Variants in ST8SIA5 observed in about 807,000 individuals in gnomAD.
ST8SIA5 encodes the protein ST8 alpha-N-acetyl-neuraminide alpha-2,8-sialyltransferase 5.
In ST8SIA5, 24 loss-of-function variants were observed where a neutral mutation model predicts 40.2. That is an observed-to-expected ratio of 0.60 (90% confidence interval 0.43 to 0.84). The LOEUF (loss-of-function observed/expected upper bound fraction) is 0.84. Ranked by LOEUF, ST8SIA5 falls within the 40% of genes least tolerant of loss-of-function variation. The pLI, the probability that ST8SIA5 is intolerant of heterozygous loss-of-function variation, is 0.00. For missense variants in ST8SIA5, 465 were observed against 498.5 expected (o/e 0.93, Z 0.64); for synonymous variants, 198 against 201.8 (o/e 0.98, Z 0.16).
At chr18:46,701,289 T>A (rs968348290) in intron 2 of ST8SIA5, among the ~76,000 whole-genome samples, 6 of 151,726 alleles carry the variant, frequency 4.0e-5, no homozygotes, top group Non-Finnish European at 7.4e-5. Context: ...TACAGGTGCG[T>A]GCCACCATGC....
intron 5 of ST8SIA5, 131 bp downstream of exon 5, chr18:46,686,043 C>A: frequency 1.2e-6 from 1 of 832,016 alleles, no homozygotes; most frequent in Non-Finnish European, 2.0e-6. Flanking sequence ...AGGGATATCC[C>A]AGACCTGAGG....
intron 1 of ST8SIA5, among the ~76,000 whole-genome samples, chr18:46,735,506 A>T (rs2042576424): frequency 6.6e-6 from 1 of 152,208 alleles, no homozygotes. Flanking sequence ...AATTGCTTAG[A>T]ACTAAATACA....
At chr18:46,694,950 G>A (rs2039542647) in intron 2 of ST8SIA5, among the ~76,000 whole-genome samples, 1 of 152,088 alleles carries the variant, frequency 6.6e-6, no homozygotes, top group Admixed American at 6.5e-5. Flanking sequence ...TCTGAGGTCA[G>A]GAGTTTGAGA....
At position 46,704,504 on chromosome 18, in the gene ST8SIA5, G is replaced by C. The variant is rs975485305; in HGVS notation, c.224+68C>G. On this transcript the variant is annotated intron_variant, in intron 2 of 6. Transcript: ENST00000315087. ...TGTTTCCTTCCACCCTTGCCCCCACGCACTCACCCCCAACCCCTGCCCCAC... is the reference window on the plus strand; with the variant it reads ...TGTTTCCTTCCACCCTTGCCCCCACCCACTCACCCCCAACCCCTGCCCCAC... 8 of 1,345,800 alleles carry C rather than the reference G, an allele frequency of 5.9e-6. No individual in the cohort carries two copies. The African/African-American group carries it at 1.0e-4, about 17-fold the overall frequency. 83.4% of individuals were successfully genotyped at this position (1,345,800 alleles called of 1,614,324 possible). A position where few individuals can be genotyped will look rare whatever the true frequency, so the allele number is the denominator to read the frequency against.
chr18:46,680,631 C>T (rs902963425), intron 6 of ST8SIA5, 121 bp from the exon 7 acceptor site: 3 of 966,496 alleles, frequency 3.1e-6, no homozygotes, highest in Non-Finnish European at 4.5e-6. Flanking sequence ...GGCCACCTGC[C>T]TCCTGACACC....
chr18:46,679,821 C>T lies in ST8SIA5; in HGVS notation c.*221G>A, dbSNP rs1201875783. The T allele has an allele frequency of 3.4e-6, 2 of 583,878 alleles. No homozygotes were observed. The highest frequency in any genetic ancestry group is 6.0e-6 in the Non-Finnish European group (2 of 330,744). 36.2% of individuals were successfully genotyped at this position (583,878 alleles called of 1,614,324 possible). ...GGCAGGTGGACGCACTGGGCGGATG[C>T]ACCGGTGGGGGCCAGGCCAGGAGGC... On this transcript the variant is annotated 3_prime_UTR_variant, in exon 7 of 7. Coordinates refer to ENST00000315087, the MANE Select transcript of ST8SIA5 (RefSeq NM_013305.6).
At chr18:46,689,773 GT>G (rs1484327589) in intron 3 of ST8SIA5, among the ~76,000 whole-genome samples, 1 of 148,744 alleles carries the variant, frequency 6.7e-6, no homozygotes, top group Non-Finnish European at 1.5e-5. Flanking sequence ...TAGAGTCAAG[GT>G]TTCTCCATGT....
At chr18:46,747,625 A>G (rs1871224906) in intron 1 of ST8SIA5, among the ~76,000 whole-genome samples, 1 of 152,318 alleles carries the variant, frequency 6.6e-6, no homozygotes. Context: ...TGTTGGTGGG[A>G]GTGTAAATTA....
chr18:46,692,199 G>T lies in ST8SIA5; in HGVS notation c.281C>A (p.Ala94Glu). Reference protein sequence around the residue: ...RWKSLQMCKWAMNISEANQFK... With the variant: ...RWKSLQMCKWEMNISEANQFK... The stretch of plus-strand genomic sequence containing the variant: ...CTGGTTGGCCTCAGAGATGTTCATC[G>T]CCCATTTGCACATCTGGAGGCTCTT... The change falls in exon 3 of 7, where the codon GCG (alanine) becomes GAG (glutamate). Residue 94 changes from alanine (A) to glutamate (E), a missense_variant. Coordinates refer to ENST00000315087, the MANE Select transcript of ST8SIA5 (RefSeq NM_013305.6). The T allele has an allele frequency of 6.2e-7, 1 of 1,614,030 alleles. No individual in the cohort carries two copies. The highest frequency in any genetic ancestry group is 8.5e-7 in the Non-Finnish European group (1 of 1,180,002).
intron 1 of ST8SIA5, 79 bp downstream of exon 1, chr18:46,756,299 C>A (rs1216286738): frequency 6.3e-7 from 1 of 1,576,082 alleles, no homozygotes; most frequent in Non-Finnish European, 8.6e-7. Context: ...GCGCTGCGAC[C>A]GAAGCTGCCG....
chr18:46,685,922 T>A, intron 5 of ST8SIA5: 1 of 504,148 alleles, frequency 2.0e-6, no homozygotes, highest in Admixed American at 3.2e-5. Context: ...CCTCAGTGCC[T>A]TCAAATCTGT....
Position 46,679,349 on chromosome 18 carries a change from T to C in ST8SIA5, c.*693A>G, listed in dbSNP as rs1329796319. On this transcript the variant is annotated 3_prime_UTR_variant, in exon 7 of 7. Transcript: ENST00000315087. ...GTGTCCGAGGATGTGTCTGAAAGGA[T>C]GTGGTGCTTCTCAGATGATGATGTC... The C allele has an allele frequency of 2.6e-5, 4 of 152,062 alleles. No individual in the cohort carries two copies. Among genetic ancestry groups the C allele is most frequent in the Non-Finnish European group, 4.4e-5 (3 of 68,196 alleles). 9.4% of individuals were successfully genotyped at this position (152,062 alleles called of 1,614,324 possible). A position where few individuals can be genotyped will look rare whatever the true frequency, so the allele number is the denominator to read the frequency against.
At chr18:46,686,649 A>G (rs898443719) in intron 4 of ST8SIA5, among the ~76,000 whole-genome samples, 1 of 152,118 alleles carries the variant, frequency 6.6e-6, no homozygotes, top group Admixed American at 6.5e-5. Flanking sequence ...CCCTGGGGCC[A>G]TCAGGAATCA....
At chr18:46,722,188 A>G (rs1262651072) in intron 1 of ST8SIA5, among the ~76,000 whole-genome samples, 1 of 152,192 alleles carries the variant, frequency 6.6e-6, no homozygotes, top group Non-Finnish European at 1.5e-5. Flanking sequence ...GTGGGAGTGC[A>G]CAATGGAGCT....
chr18:46,690,781 T>C (rs2039497464), intron 3 of ST8SIA5, among the ~76,000 whole-genome samples: 1 of 152,094 alleles, frequency 6.6e-6, no homozygotes, highest in South Asian at 2.1e-4. Flanking sequence ...ACCTGGCTAA[T>C]TTCTTTGCAT....
intron 1 of ST8SIA5, among the ~76,000 whole-genome samples, chr18:46,755,163 G>C (rs182145437): frequency 6.6e-6 from 1 of 152,332 alleles, no homozygotes; most frequent in Admixed American, 6.5e-5. Context: ...GTTACAAGGA[G>C]GGGAAACAGC....
chr18:46,716,090 A>G lies in ST8SIA5; in HGVS notation c.132-11426T>C, dbSNP rs9956435. ...CTGGGACTGTGGAGTCACACAGGAT[A>G]GATAGATAGATAGATAGATAGATAG... On this transcript the variant is annotated intron_variant, in intron 1 of 6. Transcript: ENST00000315087. Among the ~76,000 whole-genome samples the G allele has an allele frequency of 2.4e-3, 264 of 109,842 alleles. 1 individual carries two copies. The highest frequency in any genetic ancestry group is 9.4e-3 in the African/African-American group (196 of 20,752). 72.1% of individuals were successfully genotyped at this position (109,842 alleles called of 152,430 possible). A position where few individuals can be genotyped will look rare whatever the true frequency, so the allele number is the denominator to read the frequency against.
chr18:46,749,024 A>G (rs1416590063), intron 1 of ST8SIA5, among the ~76,000 whole-genome samples: 1 of 152,254 alleles, frequency 6.6e-6, no homozygotes, highest in Non-Finnish European at 1.5e-5. Context: ...TTATTCTGCA[A>G]TAAGAATAAA....
At chr18:46,724,338 G>T (rs2039893097) in intron 1 of ST8SIA5, among the ~76,000 whole-genome samples, 1 of 152,246 alleles carries the variant, frequency 6.6e-6, no homozygotes, top group Non-Finnish European at 1.5e-5. Context: ...CTGAGTAACA[G>T]TAGACCCTGT....
Sources: allele counts gnomAD v4.1 joint callset (sites outside exome capture counted in the v4.1 genomes callset), GRCh38; gene constraint gnomAD v4.1.1; transcripts MANE v1.5; gene names NCBI Gene and HGNC (gene_info 2026-07-23, HGNC 2026-07-21).